The following MAD1L1 variants were observed in gnomAD, a reference collection of about 807,000 sequenced individuals.
The protein encoded by MAD1L1 is mitotic arrest deficient 1 like 1, also known as mitotic spindle assembly checkpoint protein MAD1.
In MAD1L1, 95 loss-of-function variants were observed where a neutral mutation model predicts 96.9. The ratio of observed to expected loss-of-function variants is 0.98; its 90% CI spans 0.83 to 1.16. MAD1L1 has a LOEUF of 1.16. Ranked by LOEUF, MAD1L1 falls within the 50% of genes most tolerant of loss-of-function variation. The probability of loss-of-function intolerance (pLI) is 0.00; values close to 1 mark genes in which losing one functional copy is unlikely to be tolerated. For missense variants in MAD1L1, 1,007 were observed against 954.4 expected, an observed-to-expected ratio of 1.06 and a Z score of -0.73; for synonymous variants, 473 against 396.6, an observed-to-expected ratio of 1.19 and a Z score of -2.29.
chr7:1,953,673 G>A (rs148393653), intron 16 of MAD1L1, among the ~76,000 whole-genome samples: 1,902 of 152,380 alleles, frequency 0.012, 22 homozygotes, highest in Non-Finnish European at 0.019. Context: ...AGGAAGCCCC[G>A]CGGCGGAACA....
chr7:2,188,087 A>C (rs538182693), intron 10 of MAD1L1, among the ~76,000 whole-genome samples: 1 of 152,360 alleles, frequency 6.6e-6, no homozygotes. Flanking sequence ...CAGTGCGTCG[A>C]TATTTTCAAA....
chr7:1,888,488 G>A (rs1370582177), intron 18 of MAD1L1, among the ~76,000 whole-genome samples: 1 of 151,886 alleles, frequency 6.6e-6, no homozygotes. Flanking sequence ...ATGTGTGCAT[G>A]CATGTATGTG....
At position 2,161,646 on chromosome 7, in the gene MAD1L1, G is replaced by A. The variant is rs1008178238; in HGVS notation, c.987-12408C>T. 5.4e-4 allele frequency among the ~76,000 whole-genome samples: 81 copies of A among 149,406 alleles called. 1 individual carries two copies. The highest frequency in any genetic ancestry group is 1.4e-3 in the African/African-American group (57 of 40,372). ...AGCGCCTCTTCCCGGCCGACATCCC[G>A]TCTAGGAAGTGAGGAGCGTCTCTGC... On this transcript the variant is annotated intron_variant, in intron 10 of 18. Transcript: ENST00000265854.
chr7:1,883,946 C>G (rs1160122473), intron 18 of MAD1L1, among the ~76,000 whole-genome samples: 1 of 152,224 alleles, frequency 6.6e-6, no homozygotes, highest in East Asian at 1.9e-4. Flanking sequence ...AGGGGAATCG[C>G]GTGCAGCTGA....
At chr7:2,087,682 C>G (rs981319173) in intron 11 of MAD1L1, among the ~76,000 whole-genome samples, 1 of 152,188 alleles carries the variant, frequency 6.6e-6, no homozygotes, top group Non-Finnish European at 1.5e-5. Context: ...CTGCCTGTGC[C>G]GATCGCAAAG....
chr7:2,081,750 G>C (rs528752065), intron 11 of MAD1L1, among the ~76,000 whole-genome samples: 7 of 152,266 alleles, frequency 4.6e-5, no homozygotes, highest in African/African-American at 1.7e-4. Flanking sequence ...AGCTAAGTGC[G>C]AGGGAGAAAA....
chr7:2,111,537 T>G (rs1296061704), intron 11 of MAD1L1, among the ~76,000 whole-genome samples: 3 of 152,172 alleles, frequency 2.0e-5, no homozygotes, highest in African/African-American at 4.8e-5. Context: ...CAGCTTAGAT[T>G]TGATCCCGAT....
At chr7:1,996,445 G>A (rs950921327) in intron 14 of MAD1L1, among the ~76,000 whole-genome samples, 9 of 152,330 alleles carry the variant, frequency 5.9e-5, no homozygotes, top group South Asian at 2.1e-4. Flanking sequence ...AGAGCCACAC[G>A]GACCACAGGC....
At chr7:1,888,115 G>C (rs963554778) in intron 18 of MAD1L1, among the ~76,000 whole-genome samples, 8 of 145,836 alleles carry the variant, frequency 5.5e-5, no homozygotes, top group African/African-American at 2.0e-4. Context: ...GCCTGTGCCT[G>C]TGTGTGAGCA....
At chr7:2,171,453 G>C (rs1790700439) in intron 10 of MAD1L1, among the ~76,000 whole-genome samples, 2 of 152,184 alleles carry the variant, frequency 1.3e-5, no homozygotes, top group African/African-American at 4.8e-5. Context: ...GGCCACGTAT[G>C]GGTCACCTCC....
At chr7:1,973,591 C>G (rs147011209) in intron 15 of MAD1L1, among the ~76,000 whole-genome samples, 1,994 of 152,298 alleles carry the variant, frequency 0.013, 37 homozygotes, top group African/African-American at 0.045. Flanking sequence ...GTACCCCACA[C>G]ACGAGGACCA....
rs1789328991 is a variant in MAD1L1 at position 2,146,790 on chromosome 7, G to A, written c.1073+2362C>T. On this transcript the variant is annotated intron_variant, in intron 11 of 18. Transcript: ENST00000265854. This position sits in a 1 kb window ranked among gnomAD's most constrained non-coding sequence, Gnocchi z 6.2. ...CATCTGAATTTCTGTCCAACTGCCT[G>A]TAAGAGACTTGTAGAAATGTGCTCA... 6.6e-6 allele frequency among the ~76,000 whole-genome samples: 1 copy of A among 152,222 alleles called. No individual in the cohort carries two copies. Among genetic ancestry groups the A allele is most frequent in the South Asian group, 2.1e-4 (1 of 4,832 alleles).
intron 15 of MAD1L1, among the ~76,000 whole-genome samples, chr7:1,975,793 G>A (rs891091421): frequency 5.9e-5 from 9 of 152,188 alleles, no homozygotes; most frequent in East Asian, 3.9e-4. Context: ...GCAGGCCGGC[G>A]TCTCCAGGGC....
At chr7:2,079,827 AG>A in intron 11 of MAD1L1, 1 of 459,948 alleles carries the variant, frequency 2.2e-6, no homozygotes, top group Non-Finnish European at 4.5e-6. Flanking sequence ...TGCAGAGACA[AG>A]GGGGCAAGTC....
At chr7:2,141,183 A>G (rs1261636418) in intron 11 of MAD1L1, among the ~76,000 whole-genome samples, 1 of 152,174 alleles carries the variant, frequency 6.6e-6, no homozygotes, top group East Asian at 1.9e-4. Flanking sequence ...TCAGACACCC[A>G]CCTAGAGCAG....
intron 11 of MAD1L1, chr7:2,109,687 T>C (rs1476940888): frequency 6.6e-6 from 1 of 152,258 alleles, no homozygotes; most frequent in Non-Finnish European, 1.5e-5. Flanking sequence ...AACACTTCTG[T>C]GTTTTTATAG....
chr7:2,170,997 A>G (rs1283833737), intron 10 of MAD1L1, among the ~76,000 whole-genome samples: 1 of 152,242 alleles, frequency 6.6e-6, no homozygotes, highest in African/African-American at 2.4e-5. Flanking sequence ...CTGGCCTTCA[A>G]CAGTTCAAAG....
At chr7:2,100,687 G>A (rs971410088) in intron 11 of MAD1L1, among the ~76,000 whole-genome samples, 1 of 152,224 alleles carries the variant, frequency 6.6e-6, no homozygotes, top group Non-Finnish European at 1.5e-5. Flanking sequence ...TGGGAGCCGC[G>A]TCCACCCAAG....
chr7:2,028,943 G>A (rs374872371), intron 12 of MAD1L1, among the ~76,000 whole-genome samples: 28 of 152,012 alleles, frequency 1.8e-4, no homozygotes, highest in African/African-American at 4.6e-4. Flanking sequence ...GCAGTGCCAC[G>A]GTCAGTGTGA....
Sources: gnomAD v4.1 joint callset for allele counts (sites outside exome capture counted in the v4.1 genomes callset) on GRCh38, gnomAD v4.1.1 for gene constraint, Gnocchi (gnomAD v3.1) non-coding constraint, MANE v1.5 for transcripts, NCBI Gene and HGNC (gene_info 2026-07-23, HGNC 2026-07-21) for gene names.